Variants in WDPCP observed in about 807,000 individuals in gnomAD.
WDPCP encodes the protein WD repeat-containing and planar cell polarity effector protein fritz homolog.
In WDPCP, 71 loss-of-function variants were observed where a neutral mutation model predicts 93.1. The observed-to-expected ratio is 0.76, with a 90% CI of 0.63 to 0.93. The LOEUF is 0.93. WDPCP is among the 40% of genes least tolerant of loss of function. The pLI is 0.00. For missense variants in WDPCP, 844 were observed against 887.4 expected (o/e 0.95, Z 0.62); for synonymous variants, 315 against 315.0 (o/e 1.00, Z 0.00).
At chr2:63,626,096 C>T (rs1709807078) in intron 3 of WDPCP, among the ~76,000 whole-genome samples, 1 of 152,138 alleles carries the variant, frequency 6.6e-6, no homozygotes, top group Non-Finnish European at 1.5e-5. Context: ...GAAAGGATTC[C>T]CTATTTAATA....
intron 1 of WDPCP, among the ~76,000 whole-genome samples, chr2:63,585,490 C>T (rs1468026675): frequency 6.6e-6 from 1 of 151,996 alleles, no homozygotes; most frequent in African/African-American, 2.4e-5. Context: ...ATTTATTTCA[C>T]AAGTCTTAAC....
At chr2:63,193,077 T>A in intron 14 of WDPCP, among the ~76,000 whole-genome samples, 1 of 152,204 alleles carries the variant, frequency 6.6e-6, no homozygotes, top group East Asian at 1.9e-4. Context: ...TTTATGTACA[T>A]TGCACAATAT....
intron 1 of WDPCP, chr2:63,564,675 T>C (rs1436501629): frequency 6.6e-6 from 1 of 152,184 alleles, no homozygotes; most frequent in East Asian, 1.9e-4. Context: ...TTAACAAAGA[T>C]AAATGACTAT....
intron 3 of WDPCP, among the ~76,000 whole-genome samples, chr2:63,611,099 A>G (rs189085222): frequency 9.9e-5 from 15 of 152,272 alleles, no homozygotes; most frequent in Admixed American, 5.9e-4. Flanking sequence ...CCCTGTCTCA[A>G]AAAAAACCAT....
chr2:63,497,763 C>T (rs760905969), intron 1 of WDPCP, among the ~76,000 whole-genome samples: 4 of 152,246 alleles, frequency 2.6e-5, no homozygotes, highest in Admixed American at 1.3e-4. Context: ...TTGAAAAATA[C>T]GCCTGGAGGA....
intron 6 of WDPCP, among the ~76,000 whole-genome samples, chr2:63,451,733 A>C (rs919712096): frequency 1.3e-5 from 2 of 152,180 alleles, no homozygotes; most frequent in African/African-American, 4.8e-5. Context: ...GCACATCAAA[A>C]ACCTTATCCA....
intron 10 of WDPCP, chr2:63,403,671 A>G (rs1029293227): frequency 1.2e-5 from 2 of 165,056 alleles, no homozygotes; most frequent in Admixed American, 6.0e-5. Context: ...AATAATTTTT[A>G]TAGAAAAATT....
chr2:63,744,859 A>G (rs1258032859), intron 2 of WDPCP, among the ~76,000 whole-genome samples: 2 of 152,076 alleles, frequency 1.3e-5, no homozygotes, highest in African/African-American at 2.4e-5. Context: ...CCATCTGTCT[A>G]TAACACTGCC....
intron 17 of WDPCP, among the ~76,000 whole-genome samples, chr2:63,149,696 T>C (rs558461170): frequency 6.6e-6 from 1 of 152,346 alleles, no homozygotes; most frequent in South Asian, 2.1e-4. Context: ...CATGGCTATA[T>C]TCAAAAATAA....
chr2:63,781,028 T>C (rs1304132153), intron 2 of WDPCP, among the ~76,000 whole-genome samples: 1 of 152,058 alleles, frequency 6.6e-6, no homozygotes, highest in Non-Finnish European at 1.5e-5. Flanking sequence ...GAGCCAACAA[T>C]AGAAAATTGA....
intron 12 of WDPCP, among the ~76,000 whole-genome samples, chr2:63,316,184 C>T (rs372387742): frequency 2.6e-5 from 4 of 151,940 alleles, no homozygotes; most frequent in African/African-American, 9.7e-5. Context: ...AGAGGCTGAG[C>T]AAATTACAGA....
At chr2:63,245,815 AC>A (rs1205525145) in intron 14 of WDPCP, among the ~76,000 whole-genome samples, 5 of 152,190 alleles carry the variant, frequency 3.3e-5, no homozygotes, top group Admixed American at 2.0e-4. Flanking sequence ...ATTTATGGGT[AC>A]ATGTGATGTT....
At chr2:63,766,726 A>T (rs1020329579) in intron 2 of WDPCP, among the ~76,000 whole-genome samples, 2 of 152,018 alleles carry the variant, frequency 1.3e-5, no homozygotes, top group African/African-American at 4.8e-5. Flanking sequence ...CTCTCAAAAG[A>T]CTCTTCTTAT....
At chr2:63,568,554 A>G (rs1399048467) in intron 1 of WDPCP, among the ~76,000 whole-genome samples, 11 of 152,242 alleles carry the variant, frequency 7.2e-5, no homozygotes, top group African/African-American at 2.7e-4. Context: ...TACACTCACC[A>G]GCAGTTTTGC....
chr2:63,466,236 T>TA (rs1699337118), intron 6 of WDPCP, among the ~76,000 whole-genome samples: 1 of 152,174 alleles, frequency 6.6e-6, no homozygotes, highest in Non-Finnish European at 1.5e-5. Context: ...TATGAGTAGT[T>TA]ATAACTGCTT....
At chr2:63,267,068 A>G (rs984280989) in intron 13 of WDPCP, among the ~76,000 whole-genome samples, 3 of 152,150 alleles carry the variant, frequency 2.0e-5, no homozygotes, top group African/African-American at 7.2e-5. Context: ...CAACACAATA[A>G]CTTCAAAACA....
chr2:63,283,203 T>C lies in WDPCP; in HGVS notation c.1813-23794A>G, dbSNP rs1683704137. ...GGGATGCATTTACAAAGAAAAGAAC[T>C]GCAAAGAAATCTTAGAATTTTTTTT... On this transcript the variant is annotated intron_variant, in intron 13 of 17. Transcript: ENST00000272321. 2.0e-5 allele frequency among the ~76,000 whole-genome samples: 3 copies of C among 152,170 alleles called. No homozygotes were observed. The South Asian group carries it at 6.2e-4, about 31-fold the overall frequency.
intron 3 of WDPCP, among the ~76,000 whole-genome samples, chr2:63,632,297 G>C (rs1486479455): frequency 6.6e-6 from 1 of 152,162 alleles, no homozygotes; most frequent in African/African-American, 2.4e-5. Context: ...AACATACACA[G>C]ACATCAACAT....
chr2:63,829,339 C>A (rs1009945876), upstream of WDPCP, among the ~76,000 whole-genome samples: 20 of 152,104 alleles, frequency 1.3e-4, no homozygotes, highest in Admixed American at 1.3e-3. Flanking sequence ...AAACACTGCC[C>A]AAAAGGTGCC....
Sources: allele counts gnomAD v4.1 joint callset (sites outside exome capture counted in the v4.1 genomes callset), GRCh38; gene constraint gnomAD v4.1.1; transcripts MANE v1.5; gene names NCBI Gene and HGNC (gene_info 2026-07-23, HGNC 2026-07-21).